PAK6: variants seen among roughly 807,000 people sequenced by gnomAD.
The protein encoded by PAK6 is serine/threonine-protein kinase PAK 6.
In PAK6, 33 loss-of-function variants were observed where a neutral mutation model predicts 60.8. The ratio of observed to expected loss-of-function variants is 0.54; its 90% CI spans 0.41 to 0.73. PAK6 has a LOEUF of 0.73. Among genes scored for constraint, PAK6 ranks in the 30% least tolerant of loss-of-function variants. The pLI, the probability that PAK6 is intolerant of heterozygous loss-of-function variation, is 0.00. For missense variants in PAK6, 845 were observed against 904.1 expected (o/e 0.93, Z 0.84); for synonymous variants, 404 against 378.5 (o/e 1.07, Z -0.78).
At chr15:40,246,598 T>A (rs1223305974) in intron 2 of PAK6, 3 of 152,112 alleles carry the variant, frequency 2.0e-5, no homozygotes. Context: ...GCCTCATGGA[T>A]GATGAGGTCC....
At chr15:40,254,143 C>T (rs1012382757) in intron 3 of PAK6, among the ~76,000 whole-genome samples, 1 of 152,162 alleles carries the variant, frequency 6.6e-6, no homozygotes, top group Admixed American at 6.5e-5. Flanking sequence ...GCCTTTGACT[C>T]CTTAGACAAG....
chr15:40,263,477 C>A (rs2039036321), intron 3 of PAK6, among the ~76,000 whole-genome samples: 1 of 151,992 alleles, frequency 6.6e-6, no homozygotes, highest in Non-Finnish European at 1.5e-5. Flanking sequence ...CTTCCCAGGC[C>A]CCCAGTTCCC....
At chr15:40,240,562 CTT>C (rs10624794) in intron 1 of PAK6, 35 bp from the exon 2 acceptor site, 304 of 320,916 alleles carry the variant, frequency 9.5e-4, no homozygotes, top group Non-Finnish European at 1.2e-3. Context: ...TTTTCTTTTC[CTT>C]TTTTTTTTTT....
intron 5 of PAK6, among the ~76,000 whole-genome samples, chr15:40,271,628 A>G (rs1350494352): frequency 6.6e-6 from 1 of 152,180 alleles, no homozygotes; most frequent in Non-Finnish European, 1.5e-5. Flanking sequence ...GTCCTCTGTC[A>G]GGGACATAAC....
At chr15:40,241,487 G>A (rs1190716476) in intron 2 of PAK6, among the ~76,000 whole-genome samples, 1 of 152,202 alleles carries the variant, frequency 6.6e-6, no homozygotes, top group Non-Finnish European at 1.5e-5. Context: ...AGGCCTTTGG[G>A]GCAAGCAAGG....
At chr15:40,262,072 C>T (rs1004972572) in intron 3 of PAK6, among the ~76,000 whole-genome samples, 3 of 152,126 alleles carry the variant, frequency 2.0e-5, no homozygotes, top group Non-Finnish European at 4.4e-5. Flanking sequence ...GGGGCGGATT[C>T]ACCAGCTCTT....
intron 10 of PAK6, 141 bp from the exon 11 acceptor site, chr15:40,275,786 G>A: frequency 1.4e-6 from 1 of 735,594 alleles, no homozygotes; most frequent in East Asian, 2.5e-5. Context: ...TGAGAGCCTT[G>A]AGGGGGTGGG....
At chr15:40,254,518 T>C (rs1372950852) in intron 3 of PAK6, among the ~76,000 whole-genome samples, 1 of 152,314 alleles carries the variant, frequency 6.6e-6, no homozygotes, top group East Asian at 1.9e-4. Context: ...CAGCGCCCCC[T>C]GCACATCACA....
chr15:40,266,081 C>A (rs369750707), exon 5 of PAK6: 4 of 1,610,078 alleles, frequency 2.5e-6, no homozygotes, highest in Non-Finnish European at 3.4e-6. Flanking sequence ...TCAGCTGCAA[C>A]GGGGGCACAC....
chr15:40,273,213 C>A, intron 7 of PAK6, 133 bp from the exon 8 acceptor site: 1 of 1,224,986 alleles, frequency 8.2e-7, no homozygotes, highest in Non-Finnish European at 1.1e-6. Flanking sequence ...GGGCTATGGC[C>A]TGACTGTGCT....
At chr15:40,270,439 G>A (rs12905386) in intron 5 of PAK6, among the ~76,000 whole-genome samples, 19,283 of 152,172 alleles carry the variant, frequency 0.13, 1,279 homozygotes, top group South Asian at 0.15. Flanking sequence ...GGAAGTCTGC[G>A]GTTTCTCTAG....
chr15:40,252,563 TGAAG>T (rs754286655), intron 2 of PAK6: 1 of 1,359,988 alleles, frequency 7.4e-7, no homozygotes, highest in Non-Finnish European at 9.8e-7. Context: ...CGCGGTCAGG[TGAAG>T]CCGGCGCTGC....
intron 5 of PAK6, among the ~76,000 whole-genome samples, chr15:40,267,150 C>T (rs2039164393): frequency 2.0e-5 from 3 of 152,164 alleles, no homozygotes; most frequent in Admixed American, 2.0e-4. Flanking sequence ...TAGCTCCTTC[C>T]TGGGAGGGTC....
chr15:40,241,448 C>T (rs566427527), intron 2 of PAK6, among the ~76,000 whole-genome samples: 152 of 112,698 alleles, frequency 1.3e-3, no homozygotes, highest in African/African-American at 5.1e-3. Context: ...TGGGACTCAG[C>T]CCCACGGGAG....
intron 2 of PAK6, among the ~76,000 whole-genome samples, chr15:40,241,865 A>G (rs1422934679): frequency 2.0e-5 from 3 of 152,244 alleles, no homozygotes; most frequent in East Asian, 3.9e-4. Context: ...GCTCAGAGTC[A>G]GGAGGAACCC....
At chr15:40,276,791 A>AGTGTGTGTGTGTGTGTGT (rs1555389397) in exon 11 of PAK6, 2 of 43,316 alleles carry the variant, frequency 4.6e-5, no homozygotes, top group South Asian at 8.9e-4. Context: ...TGTGTGTGTA[A>AGTGTGTGTGTGTGTGTGT]GGGGAGGAAA....
intron 10 of PAK6, among the ~76,000 whole-genome samples, chr15:40,275,279 G>GTTTTTT (rs1491294097): frequency 7.3e-5 from 1 of 13,722 alleles, no homozygotes; most frequent in African/African-American, 1.8e-4. Flanking sequence ...TGTTGTTGTT[G>GTTTTTT]GTTTTTTTTT....
chr15:40,255,559 C>G (rs1053393930), intron 3 of PAK6, among the ~76,000 whole-genome samples: 1 of 152,178 alleles, frequency 6.6e-6, no homozygotes, highest in African/African-American at 2.4e-5. Flanking sequence ...CCTCCTCCCC[C>G]GCAGGTGACA....
At chr15:40,267,555 A>G (rs1033396569) in intron 5 of PAK6, among the ~76,000 whole-genome samples, 2 of 152,184 alleles carry the variant, frequency 1.3e-5, no homozygotes, top group Non-Finnish European at 2.9e-5. Context: ...GCTACTCAGG[A>G]GGCTGAGGCA....
Sources: gnomAD v4.1 joint callset for allele counts (sites outside exome capture counted in the v4.1 genomes callset) on GRCh38, gnomAD v4.1.1 for gene constraint, MANE v1.5 for transcripts, NCBI Gene and HGNC (gene_info 2026-07-23, HGNC 2026-07-21) for gene names.